The following OCA2 variants were observed in gnomAD, a reference collection of about 807,000 sequenced individuals.
OCA2 encodes OCA2 melanosomal transmembrane protein, also known as P protein.
In OCA2, 77 loss-of-function variants were observed where a neutral mutation model predicts 100.2. That is an observed-to-expected ratio of 0.77 (90% CI 0.64 to 0.93). The LOEUF is 0.93. Ranked by LOEUF, OCA2 falls within the 40% of genes least tolerant of loss-of-function variation. The probability of loss-of-function intolerance (pLI) is 0.00; values close to 1 mark genes in which losing one functional copy is unlikely to be tolerated. For missense variants in OCA2, 1,062 were observed against 1,089.1 expected (o/e 0.98, Z 0.35); for synonymous variants, 432 against 439.2 (o/e 0.98, Z 0.21).
intron 23 of OCA2, among the ~76,000 whole-genome samples, chr15:27,817,691 C>A (rs1195942572): frequency 6.6e-6 from 1 of 152,170 alleles, no homozygotes; most frequent in Non-Finnish European, 1.5e-5. Flanking sequence ...ATTTGGCGCC[C>A]TGTGATCATT....
intron 4 of OCA2, among the ~76,000 whole-genome samples, chr15:28,026,402 G>A (rs141839203): frequency 3.9e-5 from 6 of 152,284 alleles, no homozygotes; most frequent in African/African-American, 9.6e-5. Context: ...GACCCATGGC[G>A]CCAGAACCCC....
intron 1 of OCA2, among the ~76,000 whole-genome samples, chr15:28,087,518 G>T (rs2141946045): frequency 6.6e-6 from 1 of 152,274 alleles, no homozygotes; most frequent in Admixed American, 6.5e-5. Context: ...AGCCAAGGCA[G>T]GCAGATTCAT....
chr15:27,933,728 C>T (rs146396374), intron 18 of OCA2, among the ~76,000 whole-genome samples: 7 of 152,162 alleles, frequency 4.6e-5, no homozygotes, highest in African/African-American at 1.2e-4. Context: ...GTCATGAGGT[C>T]GATGGATCCA....
chr15:27,772,847 AAAAAAAAGG>A (rs1391849916), intron 23 of OCA2, among the ~76,000 whole-genome samples: 1 of 151,724 alleles, frequency 6.6e-6, no homozygotes, highest in Non-Finnish European at 1.5e-5. Flanking sequence ...TCTCAAAAAA[AAAAAAAAGG>A]AAAAAAAGAA....
intron 9 of OCA2, among the ~76,000 whole-genome samples, chr15:27,999,610 T>C (rs1432697998): frequency 6.6e-6 from 1 of 152,108 alleles, no homozygotes; most frequent in Non-Finnish European, 1.5e-5. Flanking sequence ...CAGAAGTACA[T>C]AGTAGAGCAA....
chr15:27,855,830 C>T (rs1465713774), intron 21 of OCA2, among the ~76,000 whole-genome samples: 2 of 152,176 alleles, frequency 1.3e-5, no homozygotes, highest in Non-Finnish European at 2.9e-5. Context: ...CAGAAGATGG[C>T]AGAGCAGGAA....
At chr15:28,049,299 T>C (rs1164749054) in intron 2 of OCA2, among the ~76,000 whole-genome samples, 1 of 152,318 alleles carries the variant, frequency 6.6e-6, no homozygotes, top group Non-Finnish European at 1.5e-5. Context: ...CTGACTAGGA[T>C]GGCTAGAATA....
chr15:28,026,191 G>A (rs758936640), intron 4 of OCA2, among the ~76,000 whole-genome samples: 4 of 152,198 alleles, frequency 2.6e-5, no homozygotes, highest in Non-Finnish European at 4.4e-5. Context: ...TGGAGCTAAC[G>A]TCTTTTAGTT....
chr15:28,011,348 G>A (rs1238654026), intron 9 of OCA2, among the ~76,000 whole-genome samples: 1 of 152,058 alleles, frequency 6.6e-6, no homozygotes, highest in Non-Finnish European at 1.5e-5. Flanking sequence ...CATGCCTGTA[G>A]TCCCAGCTAC....
intron 23 of OCA2, among the ~76,000 whole-genome samples, chr15:27,795,488 C>T (rs1279511176): frequency 1.3e-5 from 2 of 152,092 alleles, no homozygotes; most frequent in Admixed American, 1.3e-4. Flanking sequence ...CCTCCCTTGC[C>T]CAACTCACTG....
chr15:27,775,194 T>C (rs1222525116), intron 23 of OCA2, among the ~76,000 whole-genome samples: 1 of 151,928 alleles, frequency 6.6e-6, no homozygotes, highest in Non-Finnish European at 1.5e-5. Flanking sequence ...TAGGGTTAGC[T>C]CCGCCCCCTA....
intron 14 of OCA2, among the ~76,000 whole-genome samples, chr15:27,974,104 A>G (rs549042286): frequency 1.9e-3 from 283 of 152,284 alleles, no homozygotes; most frequent in Non-Finnish European, 3.5e-3. Flanking sequence ...TTTTCTAGGT[A>G]TAAGATCATA....
intron 9 of OCA2, among the ~76,000 whole-genome samples, chr15:27,994,973 T>A (rs2041675742): frequency 6.6e-6 from 1 of 152,120 alleles, no homozygotes; most frequent in South Asian, 2.1e-4. Flanking sequence ...TAAAGTTATA[T>A]CAGACAAAAT....
chr15:27,771,386 TAAA>T (rs35814221), intron 23 of OCA2, among the ~76,000 whole-genome samples: 7 of 131,648 alleles, frequency 5.3e-5, no homozygotes, highest in Non-Finnish European at 3.2e-5. Flanking sequence ...GAGAGAAGCC[TAAA>T]AAAAAAAAAA....
At chr15:27,982,602 C>T (rs2041205218) in intron 14 of OCA2, among the ~76,000 whole-genome samples, 1 of 152,188 alleles carries the variant, frequency 6.6e-6, no homozygotes, top group South Asian at 2.1e-4. Context: ...GCCATGGATT[C>T]TCAAATGTTT....
chr15:27,774,998 C>A (rs570877650), intron 23 of OCA2, among the ~76,000 whole-genome samples: 199 of 119,572 alleles, frequency 1.7e-3, no homozygotes, highest in African/African-American at 6.5e-3. Flanking sequence ...AGCAATCCAG[C>A]CCTCTTTAGT....
chr15:27,760,240 G>T lies in OCA2; in HGVS notation c.2433-4768C>A, dbSNP rs1222120686. Among the ~76,000 whole-genome samples, 8 of 152,020 alleles carry T rather than the reference G, an allele frequency of 5.3e-5. No individual in the cohort carries two copies. The East Asian group carries it at 1.5e-3, about 29-fold the overall frequency. On this transcript the variant is annotated intron_variant, in intron 23 of 23. Transcript: ENST00000354638. ...CATCATTTTCTAATTTATGATCTCT[G>T]TGTTACCTCAACCCTATAAAGAAAA...
At chr15:28,054,300 CTG>C (rs1301096952) in intron 2 of OCA2, among the ~76,000 whole-genome samples, 7 of 152,132 alleles carry the variant, frequency 4.6e-5, no homozygotes, top group Admixed American at 1.3e-4. Flanking sequence ...ACATGTATAA[CTG>C]TGTGGGTATG....
intron 2 of OCA2, among the ~76,000 whole-genome samples, chr15:28,069,281 C>T (rs1294732090): frequency 6.6e-6 from 1 of 150,510 alleles, no homozygotes; most frequent in Non-Finnish European, 1.5e-5. Context: ...TTCTATACAA[C>T]AATAAAGTCC....
Sources: gnomAD v4.1 joint callset for allele counts (sites outside exome capture counted in the v4.1 genomes callset) on GRCh38, gnomAD v4.1.1 for gene constraint, MANE v1.5 for transcripts, NCBI Gene and HGNC (gene_info 2026-07-23, HGNC 2026-07-21) for gene names.